ATP2C1: variants seen among roughly 807,000 people sequenced by gnomAD.
ATP2C1 encodes the protein calcium-transporting ATPase type 2C member 1.
Under a neutral mutation model 120.5 loss-of-function variants are expected in ATP2C1, and 31 were observed. That is an observed-to-expected ratio of 0.26 (90% CI 0.19 to 0.35). The LOEUF is 0.35. Ranked by LOEUF, ATP2C1 falls within the 10% of genes least tolerant of loss-of-function variation. ATP2C1 has a pLI of 1.00. For missense variants in ATP2C1, 731 were observed against 1,107.5 expected (o/e 0.66, Z 4.83); for synonymous variants, 351 against 358.7 (o/e 0.98, Z 0.24).
At chr3:130,917,120 A>G (rs1448139160) in intron 2 of ATP2C1, among the ~76,000 whole-genome samples, 2 of 152,242 alleles carry the variant, frequency 1.3e-5, no homozygotes, top group South Asian at 2.1e-4. Context: ...GAGATAGTCA[A>G]CACTTTATAA....
intron 2 of ATP2C1, chr3:130,930,165 T>C: frequency 2.1e-6 from 1 of 471,122 alleles, no homozygotes; most frequent in Non-Finnish European, 3.9e-6. Flanking sequence ...ATAGCGTGCT[T>C]TTCATTCAAT....
intron 6 of ATP2C1, 23 bp downstream of exon 6, chr3:130,937,486 A>T (rs1045194950): frequency 1.2e-6 from 2 of 1,604,982 alleles, no homozygotes; most frequent in African/African-American, 2.7e-5. Context: ...TTTTGCCAAC[A>T]TGAAAATGGT....
intron 19 of ATP2C1, 144 bp downstream of exon 19, chr3:130,979,563 C>G: frequency 1.1e-6 from 1 of 942,840 alleles, no homozygotes; most frequent in Non-Finnish European, 1.6e-6. Flanking sequence ...TGCTCATGGT[C>G]TATATAAAGT....
chr3:130,958,806 C>G (rs2108590650), intron 11 of ATP2C1, among the ~76,000 whole-genome samples: 1 of 152,126 alleles, frequency 6.6e-6, no homozygotes, highest in South Asian at 2.1e-4. Flanking sequence ...GTAAGTGTCC[C>G]TTTGTGTGTA....
intron 24 of ATP2C1, 29 bp from the exon 25 acceptor site, chr3:130,997,577 A>G (rs2062688849): frequency 6.2e-7 from 1 of 1,608,162 alleles, no homozygotes; most frequent in Non-Finnish European, 8.5e-7. Flanking sequence ...AAAACTTGAA[A>G]GTAATTTATT....
intron 26 of ATP2C1, among the ~76,000 whole-genome samples, chr3:131,012,588 A>G (rs1437982799): frequency 6.6e-6 from 1 of 152,014 alleles, no homozygotes; most frequent in Admixed American, 6.6e-5. Context: ...TCCTCATTAG[A>G]TACCTTATTT....
intron 8 of ATP2C1, among the ~76,000 whole-genome samples, chr3:130,943,282 C>T (rs1397934088): frequency 6.6e-6 from 1 of 152,158 alleles, no homozygotes; most frequent in Non-Finnish European, 1.5e-5. Context: ...GTGGTGCGAT[C>T]TCAGCTCACT....
chr3:131,005,695 G>A (rs2063081752), downstream of ATP2C1, among the ~76,000 whole-genome samples: 1 of 152,248 alleles, frequency 6.6e-6, no homozygotes, highest in Non-Finnish European at 1.5e-5. Flanking sequence ...TAAATTAAGC[G>A]ATAAGTCAAA....
At chr3:130,879,251 T>C (rs1159140290) in intron 1 of ATP2C1, among the ~76,000 whole-genome samples, 5 of 152,154 alleles carry the variant, frequency 3.3e-5, no homozygotes, top group African/African-American at 9.7e-5. Flanking sequence ...TATTTTTTAA[T>C]AGAGGCAGCG....
chr3:130,970,453 G>A (rs1182315490), intron 17 of ATP2C1, among the ~76,000 whole-genome samples: 1 of 151,480 alleles, frequency 6.6e-6, no homozygotes, highest in Non-Finnish European at 1.5e-5. Context: ...GTGCAGTGGC[G>A]TGACCTCGGG....
intron 1 of ATP2C1, among the ~76,000 whole-genome samples, chr3:130,865,221 C>T (rs953869522): frequency 3.3e-5 from 5 of 152,132 alleles, no homozygotes; most frequent in African/African-American, 1.2e-4. Flanking sequence ...AATTTTTGGA[C>T]TTGTATGGGC....
intron 18 of ATP2C1, among the ~76,000 whole-genome samples, chr3:130,976,812 A>T (rs2061544050): frequency 6.6e-6 from 1 of 152,156 alleles, no homozygotes; most frequent in South Asian, 2.1e-4. Context: ...AGACCTAAGA[A>T]TAGCAGGATC....
intron 2 of ATP2C1, chr3:130,918,479 A>T: frequency 1.2e-6 from 1 of 807,816 alleles, no homozygotes; most frequent in South Asian, 1.3e-5. Flanking sequence ...GAGCAAATTT[A>T]GAAGTCTTTG....
intron 17 of ATP2C1, among the ~76,000 whole-genome samples, chr3:130,971,037 C>T (rs987982812): frequency 1.3e-5 from 2 of 152,146 alleles, no homozygotes; most frequent in South Asian, 2.1e-4. Context: ...TCACTTTAAA[C>T]GTTTTAATGT....
At chr3:130,956,719 T>C (rs1379365370) in intron 11 of ATP2C1, among the ~76,000 whole-genome samples, 2 of 152,154 alleles carry the variant, frequency 1.3e-5, no homozygotes, top group East Asian at 1.9e-4. Flanking sequence ...CATGTAACTT[T>C]TAAATTTTTG....
chr3:130,940,002 G>T (rs16835434), intron 6 of ATP2C1, among the ~76,000 whole-genome samples: 1,641 of 152,324 alleles, frequency 0.011, 23 homozygotes, highest in East Asian at 0.076. Flanking sequence ...AGTATTGTGA[G>T]TTGAAGGATG....
At chr3:130,861,503 C>T (rs1055845678) in intron 1 of ATP2C1, among the ~76,000 whole-genome samples, 1 of 152,146 alleles carries the variant, frequency 6.6e-6, no homozygotes, top group Non-Finnish European at 1.5e-5. Flanking sequence ...CTTCCTCTGC[C>T]TTTTGGTCCT....
At chr3:130,911,367 C>G (rs962172018) in intron 2 of ATP2C1, among the ~76,000 whole-genome samples, 3 of 150,600 alleles carry the variant, frequency 2.0e-5, no homozygotes, top group Non-Finnish European at 4.4e-5. Context: ...TGCTAGTGGT[C>G]TATCAATTTT....
intron 2 of ATP2C1, among the ~76,000 whole-genome samples, chr3:130,907,149 C>T (rs945506358): frequency 1.3e-5 from 2 of 151,804 alleles, no homozygotes; most frequent in African/African-American, 4.8e-5. Flanking sequence ...ATACTTGTAC[C>T]AGTATACAAA....
Sources: gnomAD v4.1 joint callset for allele counts (sites outside exome capture counted in the v4.1 genomes callset) on GRCh38, gnomAD v4.1.1 for gene constraint, MANE v1.5 for transcripts, NCBI Gene and HGNC (gene_info 2026-07-23, HGNC 2026-07-21) for gene names.